Variants in ITIH5 observed in about 807,000 individuals in gnomAD.
The protein encoded by ITIH5 is inter-alpha-trypsin inhibitor heavy chain 5.
A neutral mutation model predicts 77.5 loss-of-function variants in ITIH5; 65 were observed. The ratio of observed to expected loss-of-function variants is 0.84; its 90% confidence interval spans 0.69 to 1.03. ITIH5 has a LOEUF of 1.03. Among genes scored for constraint, ITIH5 ranks in the 50% least tolerant of loss-of-function variants. The probability of loss-of-function intolerance (pLI) is 0.00; values close to 1 mark genes in which losing one functional copy is unlikely to be tolerated. For missense variants in ITIH5, 1,208 were observed against 1,213.1 expected (o/e 1.00, Z 0.06); for synonymous variants, 525 against 494.3 (o/e 1.06, Z -0.82).
At chr10:7,662,447 C>T (rs1046906832) in intron 1 of ITIH5, among the ~76,000 whole-genome samples, 6 of 152,056 alleles carry the variant, frequency 3.9e-5, no homozygotes, top group Admixed American at 3.3e-4. Flanking sequence ...TGGTTCAGAA[C>T]CCTCCTCCTA....
intron 9 of ITIH5, chr10:7,578,552 T>A (rs1832471572): frequency 6.5e-6 from 1 of 152,902 alleles, no homozygotes; most frequent in African/African-American, 2.4e-5. Flanking sequence ...TGTTTTCATT[T>A]AAATCTTTCA....
chr10:7,563,465 G>T, intron 13 of ITIH5, 81 bp from the exon 14 acceptor site: 1 of 1,304,540 alleles, frequency 7.7e-7, no homozygotes, highest in African/African-American at 1.5e-5. Flanking sequence ...GCTATCAGTG[G>T]CAGAAAGGCT....
intron 2 of ITIH5, among the ~76,000 whole-genome samples, chr10:7,643,570 TCCTGGGCACA>T (rs1440948295): frequency 3.3e-5 from 5 of 152,188 alleles, no homozygotes; most frequent in African/African-American, 1.2e-4. Flanking sequence ...CCCATGCTGG[TCCTGGGCACA>T]CAAAGGCTCT....
chr10:7,565,280 T>A (rs11599605), intron 13 of ITIH5, among the ~76,000 whole-genome samples: 1,740 of 143,382 alleles, frequency 0.012, 42 homozygotes, highest in African/African-American at 0.041. Context: ...TGTACATATA[T>A]ACACACACCA....
chr10:7,570,923 C>G (rs1005801073), intron 11 of ITIH5, among the ~76,000 whole-genome samples: 16 of 152,316 alleles, frequency 1.1e-4, no homozygotes, highest in African/African-American at 3.4e-4. Flanking sequence ...CACCGGCCTA[C>G]AACTTGTTTC....
intron 2 of ITIH5, among the ~76,000 whole-genome samples, chr10:7,653,414 G>A (rs1418097156): frequency 6.6e-6 from 1 of 152,046 alleles, no homozygotes; most frequent in Non-Finnish European, 1.5e-5. Flanking sequence ...CACCATGTTA[G>A]CCAGGCTGGT....
chr10:7,581,297 A>G (rs1392148510), intron 8 of ITIH5, among the ~76,000 whole-genome samples: 1 of 151,982 alleles, frequency 6.6e-6, no homozygotes, highest in African/African-American at 2.4e-5. Flanking sequence ...AAATGAATAA[A>G]TAAAATAAAG....
chr10:7,642,142 G>T, intron 2 of ITIH5, 52 bp from the exon 3 acceptor site: 2 of 1,439,160 alleles, frequency 1.4e-6, no homozygotes, highest in Non-Finnish European at 1.9e-6. Context: ...AAGCATTTTG[G>T]TGGTAGTGGA....
chr10:7,644,637 T>C (rs1833959563), intron 2 of ITIH5, among the ~76,000 whole-genome samples: 1 of 82,240 alleles, frequency 1.2e-5, no homozygotes, highest in South Asian at 4.7e-4. Flanking sequence ...ATATATCACA[T>C]ATATATCATA....
chr10:7,585,711 T>C (rs1306147457), intron 8 of ITIH5, among the ~76,000 whole-genome samples, 190 bp downstream of exon 8: 1 of 151,182 alleles, frequency 6.6e-6, no homozygotes, highest in East Asian at 2.0e-4. Flanking sequence ...ACTTGTAGAC[T>C]GGGAAAGGAG....
chr10:7,658,081 AC>A (rs1341160562), intron 1 of ITIH5, among the ~76,000 whole-genome samples: 24 of 152,362 alleles, frequency 1.6e-4, no homozygotes, highest in African/African-American at 5.3e-4. Context: ...AAATCAGGTA[AC>A]AAAACACTAT....
intron 5 of ITIH5, among the ~76,000 whole-genome samples, chr10:7,631,156 G>A (rs1833705609): frequency 6.8e-6 from 1 of 146,452 alleles, no homozygotes; most frequent in Non-Finnish European, 1.6e-5. Flanking sequence ...AATCACAAGG[G>A]GATCTTCTTA....
chr10:7,603,328 G>A (rs1252774918), intron 7 of ITIH5, among the ~76,000 whole-genome samples: 4 of 152,142 alleles, frequency 2.6e-5, no homozygotes, highest in African/African-American at 4.8e-5. Flanking sequence ...CCATTTATAC[G>A]AAATGTCTGG....
chr10:7,657,336 C>T (rs945262430), intron 1 of ITIH5, among the ~76,000 whole-genome samples: 27 of 152,088 alleles, frequency 1.8e-4, no homozygotes, highest in African/African-American at 5.8e-4. Flanking sequence ...CATGAGCCAC[C>T]GTGCCTGGCC....
In ITIH5 at chr10:7,576,383, T is replaced by C. The variant is rs1261521202; in HGVS notation, c.1978+70A>G. On this transcript the variant is annotated intron_variant, in intron 10 of 13. Transcript: ENST00000397146. Reference sequence around the variant, plus strand: ...AATAACACAGCTTCCTGCTGGGGCTTCCTGTGGAGGAGGTGAGTGGTATCT... The same window carrying C: ...AATAACACAGCTTCCTGCTGGGGCTCCCTGTGGAGGAGGTGAGTGGTATCT... 6 of 1,308,726 alleles carry C rather than the reference T, an allele frequency of 4.6e-6. No individual in the cohort carries two copies. In the Admixed American group the frequency reaches 8.4e-5, roughly 18 times the overall value. 81.1% of individuals were successfully genotyped at this position (1,308,726 alleles called of 1,614,324 possible). A position where few individuals can be genotyped will look rare whatever the true frequency, so the allele number is the denominator to read the frequency against.
intron 8 of ITIH5, among the ~76,000 whole-genome samples, chr10:7,585,373 G>A (rs1230301172): frequency 2.0e-5 from 3 of 152,118 alleles, no homozygotes; most frequent in African/African-American, 4.8e-5. Context: ...CAACACCCAA[G>A]ACAAGCGTGC....
At position 7,601,911 on chromosome 10, in the gene ITIH5, G is replaced by A. The variant is rs570644761; in HGVS notation, c.939+14071C>T. ...TCTGTCGCCCAGGCTGGAGTGCAGT[G>A]GCTCAATCTCAGCTCACTGCAACCT... On this transcript the variant is annotated intron_variant, in intron 7 of 13. Coordinates refer to ENST00000397146, the MANE Select transcript of ITIH5 (RefSeq NM_030569.7). Among the ~76,000 whole-genome samples the A allele has an allele frequency of 7.2e-4, 109 of 152,142 alleles. 1 individual carries two copies. Among genetic ancestry groups the A allele is most frequent in the African/African-American group, 2.5e-3 (103 of 41,498 alleles).
intron 5 of ITIH5, among the ~76,000 whole-genome samples, chr10:7,624,415 G>C (rs776170808): frequency 3.3e-5 from 5 of 152,038 alleles, no homozygotes; most frequent in Non-Finnish European, 7.4e-5. Flanking sequence ...GCTGAGGCAG[G>C]AGAATCACTT....
At chr10:7,613,171 A>T (rs7920253) in intron 7 of ITIH5, among the ~76,000 whole-genome samples, 4 of 151,066 alleles carry the variant, frequency 2.6e-5, no homozygotes, top group Admixed American at 1.3e-4. Flanking sequence ...GCTTGAACCC[A>T]GGAGGCAGAG....
Sources: allele counts gnomAD v4.1 joint callset (sites outside exome capture counted in the v4.1 genomes callset), GRCh38; gene constraint gnomAD v4.1.1; transcripts MANE v1.5; gene names NCBI Gene and HGNC (gene_info 2026-07-23, HGNC 2026-07-21).